GHR: variants seen among roughly 807,000 people sequenced by gnomAD.
GHR encodes GH receptor.
A neutral mutation model predicts 67.1 loss-of-function variants in GHR; 35 were observed. The ratio of observed to expected loss-of-function variants is 0.52; its 90% CI spans 0.40 to 0.69. The LOEUF (loss-of-function observed/expected upper bound fraction) is 0.69. Among genes scored for constraint, GHR ranks in the 30% least tolerant of loss-of-function variants. The pLI, the probability that GHR is intolerant of heterozygous loss-of-function variation, is 0.00. For missense variants in GHR, 792 were observed against 764.6 expected, an observed-to-expected ratio of 1.04 and a Z score of -0.42; for synonymous variants, 272 against 269.1, an observed-to-expected ratio of 1.01 and a Z score of -0.10.
intron 3 of GHR, chr5:42,647,797 G>A (rs951269653): frequency 1.6e-4 from 59 of 370,488 alleles, no homozygotes; most frequent in Admixed American, 9.6e-4. Flanking sequence ...AGGATCTTAC[G>A]TATGTATACC....
intron 2 of GHR, among the ~76,000 whole-genome samples, chr5:42,618,518 G>A (rs889674923): frequency 1.8e-4 from 27 of 152,142 alleles, no homozygotes; most frequent in African/African-American, 6.0e-4. Flanking sequence ...AATAAAATGA[G>A]GTTGCTCCTT....
At chr5:42,605,332 C>T (rs1425295765) in intron 2 of GHR, among the ~76,000 whole-genome samples, 2 of 151,876 alleles carry the variant, frequency 1.3e-5, no homozygotes, top group African/African-American at 4.8e-5. Flanking sequence ...TGTCGAGCTC[C>T]CGACCTCAGG....
intron 1 of GHR, among the ~76,000 whole-genome samples, chr5:42,500,033 C>T (rs1264463163): frequency 1.4e-4 from 21 of 152,142 alleles, no homozygotes; most frequent in Admixed American, 1.4e-3. Context: ...TGGAATTTTG[C>T]GTGAATAACT....
At chr5:42,433,339 A>G (rs1306815196) in intron 1 of GHR, among the ~76,000 whole-genome samples, 2 of 152,118 alleles carry the variant, frequency 1.3e-5, no homozygotes, top group Non-Finnish European at 2.9e-5. Flanking sequence ...ACTTGGGAAA[A>G]TATGTTGAAT....
chr5:42,538,378 C>T (rs1579898725), intron 1 of GHR, among the ~76,000 whole-genome samples: 2 of 152,152 alleles, frequency 1.3e-5, no homozygotes, highest in Admixed American at 6.5e-5. Context: ...TTGGCAGGGG[C>T]CAATTCTCTC....
At chr5:42,426,852 T>G (rs1326054651) in intron 1 of GHR, among the ~76,000 whole-genome samples, 1 of 152,218 alleles carries the variant, frequency 6.6e-6, no homozygotes, top group Non-Finnish European at 1.5e-5. Context: ...TAGAGGTAAT[T>G]ATCTGGTGCA....
chr5:42,710,370 T>C (rs565791058), intron 6 of GHR, among the ~76,000 whole-genome samples: 20 of 77,162 alleles, frequency 2.6e-4, no homozygotes, highest in African/African-American at 8.0e-4. Context: ...CAAGGTGTTC[T>C]ACCAAAAAAA....
intron 2 of GHR, among the ~76,000 whole-genome samples, chr5:42,581,724 C>T (rs529023807): frequency 7.2e-5 from 11 of 152,250 alleles, no homozygotes; most frequent in African/African-American, 2.6e-4. Context: ...GGGGGAGGTG[C>T]GGCTGTGGTT....
At position 42,442,445 on chromosome 5, in the gene GHR, G is replaced by A. The variant is rs34218831; in HGVS notation, c.-12+18490G>A. Reference sequence around the variant, plus strand: ...AGAGGTATGATGAAAAGATTGCAAAGGAGTTTAGGATATTGGCATGGGCAA... The same window carrying A: ...AGAGGTATGATGAAAAGATTGCAAAAGAGTTTAGGATATTGGCATGGGCAA... On this transcript the variant is annotated intron_variant, in intron 1 of 9. Transcript: ENST00000230882. Among the ~76,000 whole-genome samples, 301 of 152,270 alleles carry A rather than the reference G, an allele frequency of 2.0e-3. 1 individual carries two copies. The highest frequency in any genetic ancestry group is 6.8e-3 in the African/African-American group (283 of 41,548).
chr5:42,558,310 T>C (rs1561120930), intron 1 of GHR, among the ~76,000 whole-genome samples: 1 of 152,368 alleles, frequency 6.6e-6, no homozygotes, highest in Non-Finnish European at 1.5e-5. Context: ...ATTTTATATG[T>C]CATTTGAAAT....
intron 1 of GHR, among the ~76,000 whole-genome samples, chr5:42,441,832 G>C (rs1743593170): frequency 6.6e-6 from 1 of 152,126 alleles, no homozygotes; most frequent in African/African-American, 2.4e-5. Context: ...TTTAAAGATG[G>C]GAGACTTGAG....
chr5:42,478,823 T>C (rs889837851), intron 1 of GHR, among the ~76,000 whole-genome samples: 2 of 152,244 alleles, frequency 1.3e-5, no homozygotes, highest in Non-Finnish European at 2.9e-5. Flanking sequence ...AATCATGTCC[T>C]CTGCAAACAG....
chr5:42,681,732 C>G (rs113029154), intron 3 of GHR, among the ~76,000 whole-genome samples: 1 of 151,998 alleles, frequency 6.6e-6, no homozygotes, highest in African/African-American at 2.4e-5. Flanking sequence ...TTCAGGAGAT[C>G]GAGACCATCC....
At chr5:42,662,594 G>A (rs1450593318) in intron 3 of GHR, among the ~76,000 whole-genome samples, 13 of 151,988 alleles carry the variant, frequency 8.6e-5, no homozygotes, top group South Asian at 2.1e-4. Flanking sequence ...TCTCTGGGAC[G>A]CATTCAAAGC....
At chr5:42,530,242 G>A (rs1747906999) in intron 1 of GHR, among the ~76,000 whole-genome samples, 1 of 151,984 alleles carries the variant, frequency 6.6e-6, no homozygotes, top group Admixed American at 6.6e-5. Context: ...TTGAACACTA[G>A]CTACAACATA....
intron 1 of GHR, among the ~76,000 whole-genome samples, chr5:42,432,755 A>T (rs1743148907): frequency 2.0e-5 from 3 of 152,232 alleles, no homozygotes; most frequent in Admixed American, 2.0e-4. Flanking sequence ...AATCAGAAAG[A>T]TTAAAGAAAG....
At chr5:42,432,143 G>A (rs1437439598) in intron 1 of GHR, among the ~76,000 whole-genome samples, 1 of 152,164 alleles carries the variant, frequency 6.6e-6, no homozygotes, top group African/African-American at 2.4e-5. Flanking sequence ...AGTCTTAAAA[G>A]AAGCATCTCC....
At chr5:42,545,146 C>T (rs939758624) in intron 1 of GHR, among the ~76,000 whole-genome samples, 3 of 152,162 alleles carry the variant, frequency 2.0e-5, no homozygotes, top group African/African-American at 7.2e-5. Flanking sequence ...CTTGCCCAAA[C>T]TGATAGAACC....
At chr5:42,546,795 C>G (rs1203289160) in intron 1 of GHR, among the ~76,000 whole-genome samples, 1 of 152,030 alleles carries the variant, frequency 6.6e-6, no homozygotes, top group Admixed American at 6.6e-5. Context: ...TGTTAAGAGG[C>G]CATTCTCAAA....
Sources: gnomAD v4.1 joint callset for allele counts (sites outside exome capture counted in the v4.1 genomes callset) on GRCh38, gnomAD v4.1.1 for gene constraint, MANE v1.5 for transcripts, NCBI Gene and HGNC (gene_info 2026-07-23, HGNC 2026-07-21) for gene names.